Variants in OBSL1 observed in about 807,000 individuals in gnomAD.
OBSL1 encodes obscurin-like protein 1.
Under a neutral mutation model 172.0 loss-of-function variants are expected in OBSL1, and 160 were observed. The observed-to-expected ratio is 0.93, with a 90% CI of 0.82 to 1.06. OBSL1 has a LOEUF of 1.06. Ranked by LOEUF, OBSL1 falls within the 50% of genes least tolerant of loss-of-function variation. The pLI is 0.00. For missense variants in OBSL1, 2,681 were observed against 2,715.4 expected, an observed-to-expected ratio of 0.99 and a Z score of 0.28; for synonymous variants, 1,200 against 1,196.3, an observed-to-expected ratio of 1.00 and a Z score of -0.06.
chr2:219,570,223 T>C lies in OBSL1; in HGVS notation c.1010A>G (p.Lys337Arg). 6.4e-7 allele frequency: 1 copy of C among 1,553,664 alleles called. No homozygotes were observed. The highest frequency in any genetic ancestry group is 8.7e-7 in the Non-Finnish European group (1 of 1,148,292). ...QTLSAVQLHV[K>R]EPRLRFTRPL... The stretch of plus-strand genomic sequence containing the variant: ...CTAGGTCCCGGGCTCCGCCGTACCT[T>C]TCACGTGCAGCTGCACGGCACTGAG... The change falls in exon 1 of 21, where the codon AAA becomes AGA. Residue 337 changes from lysine (K) to arginine (R), a missense_variant and splice_region_variant. Coordinates refer to ENST00000404537, the MANE Select transcript of OBSL1 (RefSeq NM_015311.3).
At position 219,567,512 on chromosome 2, in the gene OBSL1, G is replaced by C. The variant is rs371394126; in HGVS notation, c.1598C>G (p.Thr533Arg). Residue 533 changes from threonine to arginine, a missense_variant, in exon 4 of 21, where the codon ACG becomes AGG. Around this residue, in one of 5 missense-constraint regions of OBSL1, gnomAD observed 706 missense variants for 695.8 expected, o/e 1.01. Coordinates refer to ENST00000404537, the MANE Select transcript of OBSL1 (RefSeq NM_015311.3). ...LAEMFKGHKN[T>R]VLLTWKPPEP... The stretch of plus-strand genomic sequence containing the variant: ...GGGAGGCTTCCAGGTCAACAGGACC[G>C]TGTTCTTGTGGCCCTTGAACATCTC... 2 of 1,613,386 alleles carry C rather than the reference G, an allele frequency of 1.2e-6. No individual in the cohort carries two copies. Among genetic ancestry groups the C allele is most frequent in the Non-Finnish European group, 1.7e-6 (2 of 1,179,696 alleles).
At chr2:219,552,358 G>A (rs1695680773) in intron 18 of OBSL1, 142 bp from the exon 19 acceptor site, 1 of 905,462 alleles carries the variant, frequency 1.1e-6, no homozygotes, top group Admixed American at 2.4e-5. Flanking sequence ...TGCGGAGCGG[G>A]AAGCCTAGAG....
intron 8 of OBSL1, chr2:219,562,122 G>A: frequency 1.5e-6 from 1 of 687,176 alleles, no homozygotes; most frequent in Non-Finnish European, 2.7e-6. Context: ...TTCAGAATAG[G>A]GACCGTATTT....
At chr2:219,553,751 G>A in intron 15 of OBSL1, 65 bp from the exon 16 acceptor site, 2 of 1,160,738 alleles carry the variant, frequency 1.7e-6, no homozygotes, top group Non-Finnish European at 2.5e-6. Context: ...GCAGGGACAA[G>A]GAGGACATAC....
In OBSL1 at chr2:219,567,373, G is replaced by A. The variant is rs374019271; in HGVS notation, c.1737C>T (p.Gly579=). ...AGTCACCCTCGGAGGGCACACAGTC[G>A]CCCGGCACCTCCACGGCTCCGGCTT... ...IEKAGAVEVP[G]DCVPSEGDYR... Residue 579 remains glycine (G), a synonymous_variant, in exon 4 of 21, where the codon GGC becomes GGT. Transcript: ENST00000404537. 1.8e-4 allele frequency: 289 copies of A among 1,612,788 alleles called. 2 individuals are homozygous for A. In the Middle Eastern group the frequency reaches 1.8e-3, roughly 10 times the overall value.
At chr2:219,559,555 C>G in intron 8 of OBSL1, 58 bp from the exon 9 acceptor site, 1 of 1,526,050 alleles carries the variant, frequency 6.6e-7, no homozygotes, top group Non-Finnish European at 9.0e-7. Context: ...TCTCTGGAGC[C>G]ATTCGGCAGC....
At position 219,552,587 on chromosome 2, in the gene OBSL1, G is replaced by A. The variant is rs1260582580; in HGVS notation, c.5257C>T (p.Leu1753Phe). 1.3e-6 allele frequency: 2 copies of A among 1,588,078 alleles called. No homozygotes were observed. Among genetic ancestry groups the A allele is most frequent in the Non-Finnish European group, 1.7e-6 (2 of 1,173,678 alleles). ...SEVETTGRWE[L>F]GGRPLRPGAR... ...CCGGGTCTCAGCGGGCGGCCTCCGA[G>A]CTCCCAGCGCCCCGTGGTCTCGACC... Residue 1753 changes from leucine to phenylalanine, a missense_variant, in exon 18 of 21, where the codon CTC (leucine) becomes TTC (phenylalanine). By Grantham distance (22) the Leu-to-Phe change is conservative (BLOSUM62 0). Transcript: ENST00000404537.
intron 1 of OBSL1, among the ~76,000 whole-genome samples, chr2:219,569,824 C>T (rs993798299): frequency 3.3e-5 from 5 of 152,218 alleles, no homozygotes; most frequent in African/African-American, 1.2e-4. Context: ...CAGCAATTTA[C>T]GCCCATAAAC....
Position 219,556,069 on chromosome 2 carries a change from G to A in OBSL1, c.4560C>T (p.Tyr1520=), listed in dbSNP as rs754153983. Residue 1520 remains tyrosine (Y), a synonymous_variant, in exon 14 of 21, where the codon TAC becomes TAT. Coordinates refer to ENST00000404537, the MANE Select transcript of OBSL1 (RefSeq NM_015311.3). The part of the protein sequence containing the change: ...HGVILADQGT[Y]GCESHHDRTL... ...TGCGATCGTGGTGGCTCTCGCAGCC[G>A]TAGGTGCCCTGGTCGGCCAGTATGA... The A allele has an allele frequency of 1.2e-5, 19 of 1,613,810 alleles. No homozygotes were observed. Among genetic ancestry groups the A allele is most frequent in the Admixed American group, 1.7e-5 (1 of 60,036 alleles).
Position 219,568,279 on chromosome 2 carries a change from C to CGGCCCTCCACGTCCTGCAGG in OBSL1, c.1038_1057dup (p.Arg353ProfsTer57). On this transcript the variant is annotated frameshift_variant, in exon 2 of 21. Coordinates refer to ENST00000404537, the MANE Select transcript of OBSL1 (RefSeq NM_015311.3). LOFTEE classifies it high-confidence loss of function. This position sits in a 1 kb window ranked among gnomAD's most constrained non-coding sequence, Gnocchi z 4.1. ...TTCCAGCACGGCAATCCCGTGCTCACGGCCCTCCACGTCCTGCAGGGGCCG... is the reference window on the plus strand; with the variant it reads ...TTCCAGCACGGCAATCCCGTGCTCACGGCCCTCCACGTCCTGCAGGGGCCCTCCACGTCCTGCAGGGGCCG... The CGGCCCTCCACGTCCTGCAGG allele has an allele frequency of 6.2e-7, 1 of 1,609,238 alleles. No individual in the cohort carries two copies. Among genetic ancestry groups the CGGCCCTCCACGTCCTGCAGG allele is most frequent in the South Asian group, 1.1e-5 (1 of 90,450 alleles).
chr2:219,549,061 C>T (rs772714030), downstream of OBSL1: 9 of 1,445,840 alleles, frequency 6.2e-6, no homozygotes, highest in Non-Finnish European at 8.6e-6. Context: ...AATCTGGAAG[C>T]CTAGAGCCAC....
In OBSL1 at chr2:219,563,665, C is replaced by G. The variant is rs200674069; in HGVS notation, c.2408-38G>C. 4.9e-4 allele frequency: 777 copies of G among 1,588,748 alleles called. 12 individuals carry two copies. The highest frequency in any genetic ancestry group is 4.8e-3 in the South Asian group (417 of 87,552). ...CAGAGATGGCATTGCACAGACACCC[C>G]CGCACAATGAGTCCAAACTAGCTGT... On this transcript the variant is annotated intron_variant, in intron 6 of 20. Transcript: ENST00000404537.
chr2:219,551,856 G>C, intron 19 of OBSL1, 58 bp from the exon 20 acceptor site: 2 of 1,091,722 alleles, frequency 1.8e-6, no homozygotes, highest in Middle Eastern at 2.2e-4. Flanking sequence ...CCCAGGAGGA[G>C]AGATGCATCT....
intron 8 of OBSL1, chr2:219,561,890 A>C (rs1244384435): frequency 1.4e-6 from 1 of 717,434 alleles, no homozygotes. Flanking sequence ...GCTGCTACTC[A>C]GTGCCAGCTG....
Position 219,563,636 on chromosome 2 carries a change from G to A in OBSL1, c.2408-9C>T, listed in dbSNP as rs1696664287. ...GATGTGCACGGGAGGATCTGGGTGG[G>A]AAGCAGAGATGGCATTGCACAGACA... On this transcript the variant is annotated splice_polypyrimidine_tract_variant and intron_variant, in intron 6 of 20. Transcript: ENST00000404537. 1.2e-6 allele frequency: 2 copies of A among 1,608,028 alleles called. No homozygotes were observed. Among genetic ancestry groups the A allele is most frequent in the South Asian group, 2.2e-5 (2 of 90,702 alleles).
downstream of OBSL1, chr2:219,549,343 G>A (rs370257670): frequency 6.8e-6 from 11 of 1,612,316 alleles, no homozygotes; most frequent in Middle Eastern, 1.7e-4. Flanking sequence ...CAATGGAGAC[G>A]TCCTCTCCCC....
chr2:219,552,125 T>C lies in OBSL1; in HGVS notation c.5400A>G (p.Leu1800=), dbSNP rs886055657. 2 of 1,610,412 alleles carry C rather than the reference T, an allele frequency of 1.2e-6. No homozygotes were observed. ...FQAGPAQSLA[L]LEVEALPLQM... ...CCAGGTGCTTACCCTCCACTTCCAGTAGAGCCAGGGACTGGGCGGGCCCCG... is the reference window on the plus strand; with the variant it reads ...CCAGGTGCTTACCCTCCACTTCCAGCAGAGCCAGGGACTGGGCGGGCCCCG... Residue 1800 remains leucine, a synonymous_variant, in exon 19 of 21, where the codon CTA becomes CTG. Transcript: ENST00000404537.
At chr2:219,553,781 T>A in intron 15 of OBSL1, 95 bp from the exon 16 acceptor site, 1 of 743,166 alleles carries the variant, frequency 1.3e-6, no homozygotes, top group African/African-American at 2.0e-5. Context: ...CAACAGGCAG[T>A]AGAGGACACT....
intron 18 of OBSL1, 118 bp downstream of exon 18, chr2:219,552,418 C>A (rs1695689072): frequency 9.3e-7 from 1 of 1,075,174 alleles, no homozygotes; most frequent in Non-Finnish European, 1.3e-6. Flanking sequence ...ACGAGGCTCA[C>A]AGGGCCGTGG....
Sources: allele counts gnomAD v4.1 joint callset (sites outside exome capture counted in the v4.1 genomes callset), GRCh38; gene constraint gnomAD v4.1.1; regional missense constraint gnomAD v4.1.1; non-coding constraint Gnocchi (gnomAD v3.1); transcripts MANE v1.5; gene names NCBI Gene and HGNC (gene_info 2026-07-23, HGNC 2026-07-21).